Variants in ANKHD1 observed in about 807,000 individuals in gnomAD.
ANKHD1 encodes ankyrin repeat and KH domain-containing protein 1.
ANKHD1 carries 31 observed loss-of-function variants against 230.5 expected under a neutral mutation model. The ratio of observed to expected loss-of-function variants is 0.13; its 90% confidence interval spans 0.10 to 0.18. The LOEUF (loss-of-function observed/expected upper bound fraction) is 0.18, where lower values mean the gene tolerates loss of function less well. Among genes scored for constraint, ANKHD1 ranks in the 10% least tolerant of loss-of-function variants. ANKHD1 has a pLI of 1.00. For synonymous variants in ANKHD1, 1,074 were observed against 1,117.6 expected (o/e 0.96, Z 0.78); for missense variants, 2,256 against 3,071.3 (o/e 0.73, Z 6.27).
intron 1 of ANKHD1, among the ~76,000 whole-genome samples, chr5:140,406,652 C>A (rs1770482264): frequency 6.6e-6 from 1 of 150,742 alleles, no homozygotes; most frequent in Non-Finnish European, 1.5e-5. Context: ...TCAAGTGATT[C>A]TCCTGCCTCA....
chr5:140,468,400 C>G (rs1459538933), intron 10 of ANKHD1, among the ~76,000 whole-genome samples: 1 of 152,034 alleles, frequency 6.6e-6, no homozygotes, highest in Admixed American at 6.5e-5. Flanking sequence ...CTATATTGGG[C>G]ATTTTCCAAA....
intron 30 of ANKHD1, among the ~76,000 whole-genome samples, chr5:140,536,197 G>A (rs932772552): frequency 6.6e-6 from 1 of 152,140 alleles, no homozygotes; most frequent in Non-Finnish European, 1.5e-5. Context: ...AGGCTCAAGC[G>A]ATTCTCCTGC....
At position 140,526,298 on chromosome 5, in the gene ANKHD1, A is replaced by G. The variant is rs1277248227; in HGVS notation, c.4795A>G (p.Thr1599Ala). ...GNSDSDNLDS[T>A]DCNSESSSGG... ...TAGTGATTCAGATAACTTGGACAGC[A>G]CAGACTGCAACAGTGAGAGTAGCAG... Residue 1599 changes from threonine to alanine, a missense_variant, in exon 26 of 34, where the codon ACA (threonine) becomes GCA (alanine). This residue lies in a region of ANKHD1 where 212 missense variants were observed against 257.3 expected (regional missense o/e 0.82). Coordinates refer to ENST00000360839, the MANE Select transcript of ANKHD1 (RefSeq NM_017747.3). 3.7e-6 allele frequency: 6 copies of G among 1,614,122 alleles called. No individual in the cohort carries two copies. The highest frequency in any genetic ancestry group is 5.1e-6 in the Non-Finnish European group (6 of 1,180,050).
intron 14 of ANKHD1, among the ~76,000 whole-genome samples, chr5:140,491,020 G>A (rs1214409668): frequency 1.4e-5 from 2 of 145,714 alleles, no homozygotes; most frequent in African/African-American, 5.1e-5. Flanking sequence ...TATTTGATGT[G>A]TATATTCTTT....
intron 7 of ANKHD1, among the ~76,000 whole-genome samples, chr5:140,456,872 T>A (rs1392050767): frequency 6.6e-6 from 1 of 152,022 alleles, no homozygotes. Context: ...CTAAGTAAAC[T>A]AAAGAGCTTC....
chr5:140,457,710 C>T (rs537912183), intron 7 of ANKHD1, among the ~76,000 whole-genome samples: 3 of 151,702 alleles, frequency 2.0e-5, no homozygotes, highest in Middle Eastern at 3.4e-3. Flanking sequence ...GTTGTGGGGT[C>T]GGGGGAGCGG....
intron 22 of ANKHD1, among the ~76,000 whole-genome samples, chr5:140,511,319 T>C (rs1657716744): frequency 6.6e-6 from 1 of 152,204 alleles, no homozygotes; most frequent in African/African-American, 2.4e-5. Context: ...CTCACTGTTT[T>C]CTAGTTACTG....
In ANKHD1 at chr5:140,527,197, C is replaced by T. The variant is rs1753642749; in HGVS notation, c.5087+123C>T. 8 of 1,341,476 alleles carry T rather than the reference C, an allele frequency of 6.0e-6. No individual in the cohort carries two copies. The Admixed American group carries it at 2.7e-4, about 46-fold the overall frequency. The allele number at this position is 1,341,476 out of a possible 1,614,324, so 83.1% of individuals were successfully genotyped here. On this transcript the variant is annotated intron_variant, in intron 27 of 33. Transcript: ENST00000360839. This position sits in a 1 kb window ranked among gnomAD's most constrained non-coding sequence, Gnocchi z 4.5. The stretch of plus-strand genomic sequence containing the variant: ...TATTATTTTAAACTGCATTGCCACA[C>T]TAAATCCAGAATATGCTAAAGCAAA...
Position 140,538,189 on chromosome 5 carries a change from T to C in ANKHD1, c.7332T>C (p.Asp2444=). 1 of 1,614,186 alleles carries C rather than the reference T, an allele frequency of 6.2e-7. No individual in the cohort carries two copies. The highest frequency in any genetic ancestry group is 8.5e-7 in the Non-Finnish European group (1 of 1,180,036). The change falls in exon 32 of 34, where the codon GAT becomes GAC. Residue 2444 remains aspartate, a synonymous_variant. Transcript: ENST00000360839. ...CCCAACATCAGCCAATGGAGAGAGA[T>C]GATTCTGGAATGGTAGCCCCCTCTA... The part of the protein sequence containing the change: ...TFSQHQPMER[D]DSGMVAPSNI...
intron 1 of ANKHD1, among the ~76,000 whole-genome samples, chr5:140,435,453 C>T (rs1049685607): frequency 6.6e-6 from 1 of 151,586 alleles, no homozygotes; most frequent in Non-Finnish European, 1.5e-5. Context: ...TCTCGGCTCA[C>T]AGCAACCTGC....
Position 140,539,522 on chromosome 5 carries a change from T to A in ANKHD1, c.*104T>A. Reference sequence around the variant, plus strand: ...GCCTAAGAAATTTTCTCTGAGGCTTTAGCAATGGAAATTTGATTGCCCATT... The same window carrying A: ...GCCTAAGAAATTTTCTCTGAGGCTTAAGCAATGGAAATTTGATTGCCCATT... On this transcript the variant is annotated 3_prime_UTR_variant, in exon 34 of 34. Transcript: ENST00000360839. The A allele has an allele frequency of 1.5e-6, 2 of 1,296,504 alleles. No homozygotes were observed. The highest frequency in any genetic ancestry group is 2.1e-6 in the Non-Finnish European group (2 of 931,742). The allele number at this position is 1,296,504 out of a possible 1,614,324, so 80.3% of individuals were successfully genotyped here. A position where few individuals can be genotyped will look rare whatever the true frequency, so the allele number is the denominator to read the frequency against.
Position 140,529,505 on chromosome 5 carries a change from A to G in ANKHD1, c.6559A>G (p.Asn2187Asp). The part of the protein sequence containing the change: ...VQLSSAVNIM[N>D]GSQMHINPAN... ...GCTTTCTTCAGCTGTGAACATTATG[A>G]ATGGTTCTCAGATGCACATAAACCC... is the stretch of plus-strand genomic sequence containing the variant. Residue 2187 changes from asparagine to aspartate, a missense_variant, in exon 29 of 34, where the codon AAT becomes GAT. Physicochemically the swap from Asn to Asp is conservative, Grantham distance 23. Transcript: ENST00000360839. The G allele has an allele frequency of 1.2e-6, 2 of 1,614,196 alleles. No homozygotes were observed. Among genetic ancestry groups the G allele is most frequent in the Non-Finnish European group, 1.7e-6 (2 of 1,180,018 alleles).
chr5:140,414,033 G>A (rs930556610), intron 1 of ANKHD1, among the ~76,000 whole-genome samples: 1 of 152,106 alleles, frequency 6.6e-6, no homozygotes, highest in East Asian at 1.9e-4. Flanking sequence ...CACTCGCCTC[G>A]ACCTCCTAAA....
chr5:140,533,267 G>A (rs906608148), intron 29 of ANKHD1, among the ~76,000 whole-genome samples: 2 of 152,104 alleles, frequency 1.3e-5, no homozygotes, highest in African/African-American at 4.8e-5. Flanking sequence ...AGGCAGCATA[G>A]TGGGACCCTG....
intron 14 of ANKHD1, among the ~76,000 whole-genome samples, chr5:140,494,846 A>C (rs1244660378): frequency 6.6e-6 from 1 of 152,244 alleles, no homozygotes; most frequent in Non-Finnish European, 1.5e-5. Context: ...AATTCAAAAT[A>C]ATAGATAACT....
intron 1 of ANKHD1, among the ~76,000 whole-genome samples, chr5:140,419,838 TTCTTTC>T (rs1561691325): frequency 4.5e-5 from 6 of 134,806 alleles, no homozygotes; most frequent in Admixed American, 1.5e-4. Context: ...TTCTTTCTTT[TTCTTTC>T]TCTTTCTTTT....
At chr5:140,523,565 C>CTTTT (rs58102859) in intron 24 of ANKHD1, among the ~76,000 whole-genome samples, 3 of 138,248 alleles carry the variant, frequency 2.2e-5, no homozygotes, top group Non-Finnish European at 4.7e-5. Flanking sequence ...TGACTGTTTA[C>CTTTT]TTTTTTTTTT....
At chr5:140,415,619 A>C (rs2126858276) in intron 1 of ANKHD1, among the ~76,000 whole-genome samples, 1 of 150,978 alleles carries the variant, frequency 6.6e-6, no homozygotes, top group African/African-American at 2.4e-5. Flanking sequence ...TTGTATTTTT[A>C]GTAGATAGGG....
At position 140,505,613 on chromosome 5, in the gene ANKHD1, G is replaced by T. The variant is rs938795255; in HGVS notation, c.3263-111G>T. 15 of 1,428,686 alleles carry T rather than the reference G, an allele frequency of 1.0e-5. No individual in the cohort carries two copies. The Admixed American group carries it at 2.5e-4, about 24-fold the overall frequency. 88.5% of individuals were successfully genotyped at this position (1,428,686 alleles called of 1,614,324 possible). A position where few individuals can be genotyped will look rare whatever the true frequency, so the allele number is the denominator to read the frequency against. On this transcript the variant is annotated intron_variant, in intron 17 of 33. Transcript: ENST00000360839. ...GCAGTTTTATGTTAACTCATTATCA[G>T]TGTCTGCCCTGAAGGATTTATTTTG...
Sources: allele counts gnomAD v4.1 joint callset (sites outside exome capture counted in the v4.1 genomes callset), GRCh38; gene constraint gnomAD v4.1.1; regional missense constraint gnomAD v4.1.1; non-coding constraint Gnocchi (gnomAD v3.1); transcripts MANE v1.5; gene names NCBI Gene and HGNC (gene_info 2026-07-23, HGNC 2026-07-21).